The following EYS variants were observed in gnomAD, a reference collection of about 807,000 sequenced individuals.
EYS encodes EGF-like photoreceptor maintenance factor, also known as protein eyes shut homolog.
Under a neutral mutation model 282.1 loss-of-function variants are expected in EYS, and 250 were observed. The ratio of observed to expected loss-of-function variants is 0.89; its 90% CI spans 0.80 to 0.98. EYS has a LOEUF of 0.98. Among genes scored for constraint, EYS ranks in the 50% least tolerant of loss-of-function variants. The pLI, the probability that EYS is intolerant of heterozygous loss-of-function variation, is 0.00. For missense variants in EYS, 4,016 were observed against 3,709.0 expected, an observed-to-expected ratio of 1.08 and a Z score of -2.15; for synonymous variants, 1,355 against 1,282.9, an observed-to-expected ratio of 1.06 and a Z score of -1.20.
chr6:63,977,049 C>T (rs988341299), intron 35 of EYS, among the ~76,000 whole-genome samples: 2 of 151,358 alleles, frequency 1.3e-5, no homozygotes, highest in African/African-American at 2.4e-5. Flanking sequence ...TATTATTACT[C>T]AAGTTAGCCT....
At chr6:64,660,453 G>T (rs1049691004) in intron 22 of EYS, among the ~76,000 whole-genome samples, 1 of 151,980 alleles carries the variant, frequency 6.6e-6, no homozygotes, top group African/African-American at 2.4e-5. Flanking sequence ...AATTGTCCCT[G>T]TTTGCAGATG....
chr6:64,274,124 C>T (rs1190303015), intron 30 of EYS, among the ~76,000 whole-genome samples: 15 of 152,202 alleles, frequency 9.9e-5, no homozygotes, highest in Non-Finnish European at 1.6e-4. Context: ...TATTCACTTT[C>T]AGGTCTATAC....
intron 31 of EYS, among the ~76,000 whole-genome samples, chr6:64,091,033 C>G (rs1462047417): frequency 1.3e-5 from 2 of 152,166 alleles, no homozygotes; most frequent in African/African-American, 4.8e-5. Flanking sequence ...CTGTTCTTAA[C>G]TCACCTTCCA....
intron 31 of EYS, among the ~76,000 whole-genome samples, chr6:64,107,285 T>TATATATATATATATATA (rs1773053230): frequency 3.0e-5 from 3 of 101,502 alleles, no homozygotes; most frequent in Non-Finnish European, 6.0e-5. Flanking sequence ...ATATATATAT[T>TATATATATATATATATA]TATATATATA....
At chr6:64,635,874 A>T (rs184762357) in intron 22 of EYS, among the ~76,000 whole-genome samples, 124 of 152,214 alleles carry the variant, frequency 8.1e-4, no homozygotes, top group Admixed American at 1.4e-3. Flanking sequence ...TTTTCTATTT[A>T]TTGGAATAGT....
intron 31 of EYS, among the ~76,000 whole-genome samples, chr6:64,150,042 C>G (rs937757784): frequency 1.3e-5 from 2 of 152,196 alleles, no homozygotes; most frequent in Non-Finnish European, 2.9e-5. Context: ...ATAATTGGAA[C>G]TATCCTGCAG....
At chr6:65,094,317 G>GAAAAAA (rs35028634) in intron 12 of EYS, among the ~76,000 whole-genome samples, 35 of 73,760 alleles carry the variant, frequency 4.7e-4, no homozygotes, top group East Asian at 1.4e-3. Context: ...ATATCTTAAC[G>GAAAAAA]AAAAAAAAAA....
chr6:65,296,254 A>C, intron 11 of EYS, 135 bp from the exon 12 acceptor site: 1 of 993,312 alleles, frequency 1.0e-6, no homozygotes, highest in Non-Finnish European at 1.4e-6. Context: ...GCATTTAAAA[A>C]ATATTTTCAT....
chr6:65,060,971 T>C (rs1773558812), intron 12 of EYS, among the ~76,000 whole-genome samples: 1 of 151,802 alleles, frequency 6.6e-6, no homozygotes, highest in South Asian at 2.1e-4. Context: ...AATGATACTG[T>C]ATCTGTAAAG....
chr6:64,942,046 C>T lies in EYS; in HGVS notation c.2381+3747G>A, dbSNP rs552290216. Among the ~76,000 whole-genome samples the T allele has an allele frequency of 2.0e-5, 3 of 152,224 alleles. No homozygotes were observed. In the South Asian group the frequency reaches 6.2e-4, roughly 32 times the overall value. On this transcript the variant is annotated intron_variant, in intron 15 of 42. Transcript: ENST00000503581. ...TGAGAAATCTCCAAACTGCTCTCCA[C>T]AGTAGCTGAACTAATTTATATCCCA...
chr6:65,633,890 A>G (rs1164079957), intron 2 of EYS, among the ~76,000 whole-genome samples: 1 of 152,214 alleles, frequency 6.6e-6, no homozygotes, highest in Admixed American at 6.5e-5. Context: ...AGTAGTTGGG[A>G]GAAAGGTCAC....
chr6:64,514,403 G>A (rs983300710), intron 26 of EYS, among the ~76,000 whole-genome samples: 5 of 151,744 alleles, frequency 3.3e-5, no homozygotes, highest in Admixed American at 2.0e-4. Flanking sequence ...TGGTTCCATC[G>A]ATCTTAAAAG....
chr6:64,416,518 C>CTTTTTTTTT (rs371267333), intron 28 of EYS, among the ~76,000 whole-genome samples: 2 of 139,824 alleles, frequency 1.4e-5, no homozygotes, highest in Non-Finnish European at 3.1e-5. Context: ...GCCGTTAGGT[C>CTTTTTTTTT]TTTTTTTTTT....
At chr6:65,441,062 AT>A (rs1768305720) in intron 5 of EYS, among the ~76,000 whole-genome samples, 2 of 150,278 alleles carry the variant, frequency 1.3e-5, no homozygotes, top group African/African-American at 4.9e-5. Context: ...AATAAGATTA[AT>A]TAATTAAACT....
At chr6:64,132,025 A>T (rs767964445) in intron 31 of EYS, among the ~76,000 whole-genome samples, 7 of 152,022 alleles carry the variant, frequency 4.6e-5, no homozygotes, top group Admixed American at 6.6e-5. Flanking sequence ...ATAGACTAAA[A>T]CTTTTCAGAT....
At position 65,626,647 on chromosome 6, in the gene EYS, C is replaced by T. The variant is rs538150083; in HGVS notation, c.-333+13131G>A. Among the ~76,000 whole-genome samples the T allele has an allele frequency of 3.9e-5, 6 of 151,948 alleles. No homozygotes were observed. The East Asian group carries it at 7.7e-4, about 20-fold the overall frequency. On this transcript the variant is annotated intron_variant, in intron 2 of 42. Coordinates refer to ENST00000503581, the MANE Select transcript of EYS (RefSeq NM_001142800.2). Reference sequence around the variant, plus strand: ...GTTTACCTAAAACAAGCCATGGACCCGAATAAGGAGTAGATTAGAATACAG... The same window carrying T: ...GTTTACCTAAAACAAGCCATGGACCTGAATAAGGAGTAGATTAGAATACAG...
At chr6:65,119,867 GCAAA>G (rs201449297) in intron 12 of EYS, among the ~76,000 whole-genome samples, 1,988 of 149,552 alleles carry the variant, frequency 0.013, 59 homozygotes, top group African/African-American at 0.046. Flanking sequence ...GGCTCAAAAA[GCAAA>G]CAAAGCCTGT....
chr6:65,514,540 T>A (rs1400312688), intron 2 of EYS, among the ~76,000 whole-genome samples: 1 of 152,142 alleles, frequency 6.6e-6, no homozygotes, highest in Non-Finnish European at 1.5e-5. Context: ...CTTCAAACTA[T>A]ACTACAAGGC....
intron 22 of EYS, among the ~76,000 whole-genome samples, chr6:64,647,668 A>T (rs944314172): frequency 5.9e-5 from 9 of 152,150 alleles, no homozygotes; most frequent in Non-Finnish European, 8.8e-5. Flanking sequence ...TTGTTTCTAT[A>T]GTCAGAAAAT....
Sources: gnomAD v4.1 joint callset for allele counts (sites outside exome capture counted in the v4.1 genomes callset) on GRCh38, gnomAD v4.1.1 for gene constraint, MANE v1.5 for transcripts, NCBI Gene and HGNC (gene_info 2026-07-23, HGNC 2026-07-21) for gene names.